ZFHX2: variants seen among roughly 807,000 people sequenced by gnomAD.
ZFHX2 encodes the protein zinc finger homeobox protein 2.
In ZFHX2, 75 loss-of-function variants were observed where a neutral mutation model predicts 164.8. The ratio of observed to expected loss-of-function variants is 0.46; its 90% CI spans 0.38 to 0.55. The LOEUF (loss-of-function observed/expected upper bound fraction) is 0.55, where lower values mean the gene tolerates loss of function less well. Among genes scored for constraint, ZFHX2 ranks in the 20% least tolerant of loss-of-function variants. The pLI is 0.00. For missense variants in ZFHX2, 2,933 were observed against 3,308.0 expected, an observed-to-expected ratio of 0.89 and a Z score of 2.78; for synonymous variants, 1,217 against 1,351.4, an observed-to-expected ratio of 0.90 and a Z score of 2.18.
At chr14:23,538,635 C>T (rs1008484182) in intron 1 of ZFHX2, among the ~76,000 whole-genome samples, 4 of 152,082 alleles carry the variant, frequency 2.6e-5, no homozygotes, top group African/African-American at 9.7e-5. Context: ...AAGGGCATCC[C>T]CTATCCCTGC....
chr14:23,526,547 T>A lies in ZFHX2; in HGVS notation c.3395A>T (p.Glu1132Val). 6.5e-7 allele frequency: 1 copy of A among 1,535,782 alleles called. No individual in the cohort carries two copies. Among genetic ancestry groups the A allele is most frequent in the Non-Finnish European group, 8.7e-7 (1 of 1,146,806 alleles). The stretch of plus-strand genomic sequence containing the variant: ...TACGTCTTCAGCTTGGGCATCAGGT[T>A]CAGGGACTGGAGATGGGGCTGGAGA... ...PPSPAPSPVP[E>V]PDAQAEDVAP... The change falls in exon 9 of 10, where the codon GAA becomes GTA. Residue 1132 changes from glutamate to valine, a missense_variant. Transcript: ENST00000419474.
At position 23,524,434 on chromosome 14, in the gene ZFHX2, G is replaced by A. The variant is rs748755125; in HGVS notation, c.5508C>T (p.Asp1836=). ...PGPPLKRKHE[D]GSLSPTGSEA... ...CACTGCCTGTGGGAGACAAGCTGCCGTCCTCATGCTTCCGTTTGAGAGGTG... is the reference window on the plus strand; with the variant it reads ...CACTGCCTGTGGGAGACAAGCTGCCATCCTCATGCTTCCGTTTGAGAGGTG... Residue 1836 remains aspartate, a synonymous_variant, in exon 9 of 10, where the codon GAC becomes GAT. Coordinates refer to ENST00000419474, the MANE Select transcript of ZFHX2 (RefSeq NM_033400.3). This position sits in a 1 kb window ranked among gnomAD's most constrained non-coding sequence, Gnocchi z 5.6. 43 of 1,535,934 alleles carry A rather than the reference G, an allele frequency of 2.8e-5. No homozygotes were observed. The highest frequency in any genetic ancestry group is 3.3e-4 in the Middle Eastern group (2 of 6,012).
In ZFHX2 at chr14:23,524,027, G is replaced by T; in HGVS notation, c.5915C>A (p.Thr1972Lys). Residue 1972 changes from threonine (T) to lysine (K), a missense_variant, in exon 9 of 10, where the codon ACG becomes AAG. Coordinates refer to ENST00000419474, the MANE Select transcript of ZFHX2 (RefSeq NM_033400.3). The surrounding 1 kb of genome is among the most constrained non-coding windows in gnomAD (Gnocchi z 5.6). ...EAPAFPYPTA[T>K]LASGPQPFLP... The stretch of plus-strand genomic sequence containing the variant: ...GAAAGGCTGGGGCCCAGAAGCAAGC[G>T]TGGCAGTGGGGTAGGGAAAAGCAGG... 6.6e-7 allele frequency: 1 copy of T among 1,514,334 alleles called. No individual in the cohort carries two copies. The highest frequency in any genetic ancestry group is 8.8e-7 in the Non-Finnish European group (1 of 1,135,128). The allele number at this position is 1,514,334 out of a possible 1,614,324, so 93.8% of individuals were successfully genotyped here. A position where few individuals can be genotyped will look rare whatever the true frequency, so the allele number is the denominator to read the frequency against.
At chr14:23,529,330 G>T (rs772300750) in intron 6 of ZFHX2, 6 of 233,316 alleles carry the variant, frequency 2.6e-5, no homozygotes, top group Non-Finnish European at 4.2e-5. Context: ...TAGGAACACC[G>T]GTGTCTTGTC....
intron 1 of ZFHX2, among the ~76,000 whole-genome samples, chr14:23,539,360 A>G (rs1880539875): frequency 6.6e-6 from 1 of 152,182 alleles, no homozygotes; most frequent in Non-Finnish European, 1.5e-5. Flanking sequence ...GTAATTACTG[A>G]GCTGCAAATG....
Position 23,522,762 on chromosome 14 carries a change from C to T in ZFHX2, c.6919G>A (p.Asp2307Asn), listed in dbSNP as rs1374775214. The T allele has an allele frequency of 1.3e-6, 2 of 1,536,420 alleles. No individual in the cohort carries two copies. Among genetic ancestry groups the T allele is most frequent in the South Asian group, 1.2e-5 (1 of 84,054 alleles). The change falls in exon 10 of 10, where the codon GAC (aspartate) becomes AAC (asparagine). Residue 2307 changes from aspartate (D) to asparagine (N), a missense_variant. Coordinates refer to ENST00000419474, the MANE Select transcript of ZFHX2 (RefSeq NM_033400.3). ...VPGPPTEPLG[D>N]KVSSERKPVA... ...GGCTTTCGCTCACTGGAGACCTTGT[C>T]CCCCAAGGGCTCAGTAGGAGGGCCT...
Position 23,524,272 on chromosome 14 carries a change from G to C in ZFHX2, c.5670C>G (p.Ile1890Met). Reference sequence around the variant, plus strand: ...GCTTTTTGAGCCCCACCTCCTCGGAGATGCAGTCGAGCATCTTGCGTGTTG... The same window carrying C: ...GCTTTTTGAGCCCCACCTCCTCGGACATGCAGTCGAGCATCTTGCGTGTTG... The part of the protein sequence containing the change: ...SNPTRKMLDC[I>M]SEEVGLKKRV... The change falls in exon 9 of 10, where the codon ATC becomes ATG. Residue 1890 changes from isoleucine (I) to methionine (M), a missense_variant. Coordinates refer to ENST00000419474, the MANE Select transcript of ZFHX2 (RefSeq NM_033400.3). The surrounding 1 kb of genome is among the most constrained non-coding windows in gnomAD (Gnocchi z 5.6). 1 of 1,536,392 alleles carries C rather than the reference G, an allele frequency of 6.5e-7. No individual in the cohort carries two copies. Among genetic ancestry groups the C allele is most frequent in the Non-Finnish European group, 8.7e-7 (1 of 1,146,956 alleles).
rs141707744 is a variant in ZFHX2, at chr14:23,549,669, G to A, written c.-50+1674C>T. On this transcript the variant is annotated intron_variant, in intron 1 of 9. Transcript: ENST00000419474. ...GAAGGATGGGGGGCAACCAGGCAGG[G>A]TGGAGCTTAGAGTCCTAGGGAATGT... Among the ~76,000 whole-genome samples the A allele has an allele frequency of 1.7e-3, 266 of 152,318 alleles. 1 individual carries two copies. The highest frequency in any genetic ancestry group is 2.9e-3 in the Non-Finnish European group (194 of 68,034).
Position 23,523,757 on chromosome 14 carries a change from C to T in ZFHX2, c.6185G>A (p.Gly2062Glu). The T allele has an allele frequency of 6.5e-7, 1 of 1,536,228 alleles. No individual in the cohort carries two copies. Residue 2062 changes from glycine to glutamate, a missense_variant, in exon 9 of 10, where the codon GGA becomes GAA. Transcript: ENST00000419474. The surrounding 1 kb of genome is among the most constrained non-coding windows in gnomAD (Gnocchi z 4.1). ...GPGGGTGVPDGMGQRRYRTQM... is the reference protein window; with the variant it reads ...GPGGGTGVPDEMGQRRYRTQM... Reference sequence around the variant, plus strand: ...GGTCCTGTAGCGCCGCTGCCCCATTCCATCTGGAACCCCAGTCCCACCTCC... The same window carrying T: ...GGTCCTGTAGCGCCGCTGCCCCATTTCATCTGGAACCCCAGTCCCACCTCC...
Position 23,522,323 on chromosome 14 carries a change from C to A in ZFHX2, c.7358G>T (p.Cys2453Phe). The A allele has an allele frequency of 6.5e-7, 1 of 1,529,230 alleles. No individual in the cohort carries two copies. The highest frequency in any genetic ancestry group is 8.8e-7 in the Non-Finnish European group (1 of 1,142,634). The allele number at this position is 1,529,230 out of a possible 1,614,324, so 94.7% of individuals were successfully genotyped here. ...STVDVTHRYL[C>F]RQCKMAFDGE... ...GTCAAATGCCATCTTGCACTGGCGG[C>A]ACAGGTAGCGATGGGTTACATCCAC... Residue 2453 changes from cysteine to phenylalanine, a missense_variant, in exon 10 of 10, where the codon TGC (cysteine) becomes TTC (phenylalanine). Coordinates refer to ENST00000419474, the MANE Select transcript of ZFHX2 (RefSeq NM_033400.3).
Position 23,532,800 on chromosome 14 carries a change from G to A in ZFHX2, c.2326C>T (p.His776Tyr). 6.5e-7 allele frequency: 1 copy of A among 1,536,520 alleles called. No individual in the cohort carries two copies. Among genetic ancestry groups the A allele is most frequent in the Non-Finnish European group, 8.7e-7 (1 of 1,147,014 alleles). ...TGAGCATGTTTGTCAGTCTTGAGGTGGAGTTGGAAGTTGGCCTTGAGCTGG... is the reference window on the plus strand; with the variant it reads ...TGAGCATGTTTGTCAGTCTTGAGGTAGAGTTGGAAGTTGGCCTTGAGCTGG... ...GTQLKANFQL[H>Y]LKTDKHAQKY... is the part of the protein sequence containing the mutation. The change falls in exon 3 of 10, where the codon CAC becomes TAC. Residue 776 changes from histidine (H) to tyrosine (Y), a missense_variant. Physicochemically the swap from His to Tyr is moderately conservative, Grantham distance 83. Transcript: ENST00000419474.
chr14:23,553,321 C>A (rs933829492), upstream of ZFHX2, among the ~76,000 whole-genome samples: 1 of 152,184 alleles, frequency 6.6e-6, no homozygotes, highest in African/African-American at 2.4e-5. Flanking sequence ...AGAGGCTGGC[C>A]GGGCATGGTG....
intron 6 of ZFHX2, chr14:23,528,509 ATCCTG>A: frequency 1.3e-6 from 1 of 773,456 alleles, no homozygotes; most frequent in Non-Finnish European, 1.6e-6. Flanking sequence ...TACCTATCCT[ATCCTG>A]TCGTGTCTTC....
intron 1 of ZFHX2, among the ~76,000 whole-genome samples, chr14:23,536,866 G>A (rs532813484): frequency 8.5e-5 from 13 of 152,200 alleles, no homozygotes; most frequent in African/African-American, 2.4e-4. Context: ...GTCTGGGCAC[G>A]GTGGCTCACA....
Position 23,523,439 on chromosome 14 carries a change from C to T in ZFHX2, c.6503G>A (p.Arg2168His), listed in dbSNP as rs61742840. ...YVSCRGHLFSRQHLAKLKEAV... is the reference protein window; with the variant it reads ...YVSCRGHLFSHQHLAKLKEAV... The stretch of plus-strand genomic sequence containing the variant: ...CTCCTTGAGCTTGGCCAGGTGCTGA[C>T]GGGAAAAGAGATGGCCTCGGCAGGA... Residue 2168 changes from arginine (R) to histidine (H), a missense_variant, in exon 9 of 10, where the codon CGT (arginine) becomes CAT (histidine). Physicochemically the swap from Arg to His is conservative, Grantham distance 29 (BLOSUM62 0). Transcript: ENST00000419474. This position sits in a 1 kb window ranked among gnomAD's most constrained non-coding sequence, Gnocchi z 4.1. The T allele has an allele frequency of 1.2e-3, 1,804 of 1,534,784 alleles. 20 individuals carry two copies. The African/African-American group carries it at 0.021, about 18-fold the overall frequency.
Position 23,534,018 on chromosome 14 carries a change from G to T in ZFHX2, c.1308C>A (p.Ser436Arg). Reference sequence around the variant, plus strand: ...GGAGCAGGGACATGTGGCTGGACAGGCTGAGGCCCTGGAAGGCTGCAGGGG... The same window carrying T: ...GGAGCAGGGACATGTGGCTGGACAGTCTGAGGCCCTGGAAGGCTGCAGGGG... ...TPAPAAFQGL[S>R]LSSHMSLLHS... The change falls in exon 2 of 10, where the codon AGC becomes AGA. Residue 436 changes from serine (S) to arginine (R), a missense_variant. Coordinates refer to ENST00000419474, the MANE Select transcript of ZFHX2 (RefSeq NM_033400.3). This position sits in a 1 kb window ranked among gnomAD's most constrained non-coding sequence, Gnocchi z 4.5. 1 of 1,536,916 alleles carries T rather than the reference G, an allele frequency of 6.5e-7. No homozygotes were observed. The highest frequency in any genetic ancestry group is 8.7e-7 in the Non-Finnish European group (1 of 1,146,728).
chr14:23,532,044 G>A (rs1017331379), intron 3 of ZFHX2: 8 of 197,074 alleles, frequency 4.1e-5, no homozygotes, highest in Admixed American at 1.8e-4. Context: ...CCAAAGTGCC[G>A]GGACTACAGG....
At chr14:23,528,818 G>C in intron 6 of ZFHX2, 1 of 985,398 alleles carries the variant, frequency 1.0e-6, no homozygotes, top group Non-Finnish European at 1.2e-6. Context: ...GAGGCTGCCA[G>C]AGGCCCCACC....
intron 1 of ZFHX2, among the ~76,000 whole-genome samples, chr14:23,539,840 G>A (rs990453575): frequency 6.6e-6 from 1 of 152,180 alleles, no homozygotes; most frequent in Non-Finnish European, 1.5e-5. Flanking sequence ...AATGGGACCT[G>A]ACTGGCTTTT....
Sources: allele counts gnomAD v4.1 joint callset (sites outside exome capture counted in the v4.1 genomes callset), GRCh38; gene constraint gnomAD v4.1.1; non-coding constraint Gnocchi (gnomAD v3.1); transcripts MANE v1.5; gene names NCBI Gene and HGNC (gene_info 2026-07-23, HGNC 2026-07-21).